The following HECW2 variants were observed in gnomAD, a reference collection of about 807,000 sequenced individuals.
The protein encoded by HECW2 is E3 ubiquitin-protein ligase HECW2.
In HECW2, 61 loss-of-function variants were observed where a neutral mutation model predicts 175.2. That is an observed-to-expected ratio of 0.35 (90% CI 0.28 to 0.43). The LOEUF (loss-of-function observed/expected upper bound fraction) is 0.43, where lower values mean the gene tolerates loss of function less well. Ranked by LOEUF, HECW2 falls within the 20% of genes least tolerant of loss-of-function variation. The pLI is 1.00. For missense variants in HECW2, 1,524 were observed against 2,000.5 expected, an observed-to-expected ratio of 0.76 and a Z score of 4.54; for synonymous variants, 671 against 731.0, an observed-to-expected ratio of 0.92 and a Z score of 1.32.
At chr2:196,435,406 G>A (rs1248574376) in intron 1 of HECW2, among the ~76,000 whole-genome samples, 1 of 152,156 alleles carries the variant, frequency 6.6e-6, no homozygotes, top group Non-Finnish European at 1.5e-5. Context: ...GAGTCATGCA[G>A]CACATCAGCT....
chr2:196,312,195 T>C (rs1221711770), intron 10 of HECW2, among the ~76,000 whole-genome samples: 2 of 149,840 alleles, frequency 1.3e-5, no homozygotes, highest in African/African-American at 5.0e-5. Flanking sequence ...TGGATGCTGA[T>C]ATTGAGAAGT....
chr2:196,221,669 C>T (rs1348379780), intron 24 of HECW2, among the ~76,000 whole-genome samples: 1 of 152,142 alleles, frequency 6.6e-6, no homozygotes, highest in Non-Finnish European at 1.5e-5. Flanking sequence ...AGGTGACCCT[C>T]CCACCTTGGC....
chr2:196,281,208 C>T (rs1019674975), intron 14 of HECW2, among the ~76,000 whole-genome samples: 1 of 151,116 alleles, frequency 6.6e-6, no homozygotes, highest in African/African-American at 2.4e-5. Flanking sequence ...GTATCTTAGT[C>T]ACTCTGTTAT....
chr2:196,535,068 A>G (rs1688974691), intron 1 of HECW2, among the ~76,000 whole-genome samples: 1 of 152,098 alleles, frequency 6.6e-6, no homozygotes, highest in Non-Finnish European at 1.5e-5. Context: ...AAAAAACAAA[A>G]AACCCACTCT....
At chr2:196,534,075 T>G (rs80147528) in intron 1 of HECW2, among the ~76,000 whole-genome samples, 1,860 of 152,306 alleles carry the variant, frequency 0.012, 44 homozygotes, top group African/African-American at 0.043. Flanking sequence ...CTTTCACTGA[T>G]AATATGTATC....
intron 1 of HECW2, among the ~76,000 whole-genome samples, chr2:196,439,325 T>C (rs1194397820): frequency 6.6e-6 from 1 of 152,134 alleles, no homozygotes; most frequent in Non-Finnish European, 1.5e-5. Flanking sequence ...AGAAAGCAAA[T>C]GCTGAAGACC....
At chr2:196,314,727 C>T (rs542529576) in intron 10 of HECW2, among the ~76,000 whole-genome samples, 10 of 152,104 alleles carry the variant, frequency 6.6e-5, no homozygotes, top group South Asian at 4.2e-4. Context: ...TGTAAATCAC[C>T]GCAAAAATGA....
chr2:196,514,597 A>C (rs1407240403), intron 1 of HECW2, among the ~76,000 whole-genome samples: 1 of 152,152 alleles, frequency 6.6e-6, no homozygotes, highest in Non-Finnish European at 1.5e-5. Flanking sequence ...CTACCCATGG[A>C]CCAATCGGCA....
At chr2:196,445,651 G>A (rs1696160978) in intron 1 of HECW2, among the ~76,000 whole-genome samples, 8 of 152,186 alleles carry the variant, frequency 5.3e-5, no homozygotes, top group Admixed American at 5.2e-4. Context: ...TAATGTATAA[G>A]TGCAAAAGGC....
At chr2:196,560,558 C>A (rs1018649542) in intron 1 of HECW2, among the ~76,000 whole-genome samples, 3 of 152,128 alleles carry the variant, frequency 2.0e-5, no homozygotes, top group Non-Finnish European at 4.4e-5. Flanking sequence ...TTTGGATAAT[C>A]TAAAAGATAT....
intron 23 of HECW2, among the ~76,000 whole-genome samples, chr2:196,225,406 G>A (rs1207948881): frequency 6.6e-6 from 1 of 152,174 alleles, no homozygotes; most frequent in Admixed American, 6.5e-5. Context: ...GGAGAGGGGG[G>A]CTGTGAGTCA....
chr2:196,254,243 T>G (rs1688966211), intron 18 of HECW2, among the ~76,000 whole-genome samples: 1 of 152,202 alleles, frequency 6.6e-6, no homozygotes. Flanking sequence ...CCTACCAACT[T>G]TGGACAACGT....
intron 1 of HECW2, among the ~76,000 whole-genome samples, chr2:196,541,474 G>A (rs1689210500): frequency 6.6e-6 from 1 of 152,080 alleles, no homozygotes; most frequent in Non-Finnish European, 1.5e-5. Flanking sequence ...AATTCTAGAA[G>A]AAATCTTATC....
chr2:196,529,069 T>C (rs1405382838), intron 1 of HECW2, among the ~76,000 whole-genome samples: 4 of 152,216 alleles, frequency 2.6e-5, no homozygotes, highest in Non-Finnish European at 5.9e-5. Context: ...TATAACCACA[T>C]GCAGAAGCCA....
chr2:196,422,052 T>A (rs904448053), intron 2 of HECW2, among the ~76,000 whole-genome samples: 2 of 152,144 alleles, frequency 1.3e-5, no homozygotes, highest in Non-Finnish European at 2.9e-5. Flanking sequence ...CTATTTTTCA[T>A]CTATAATGGT....
chr2:196,250,217 A>AG (rs1437889067), intron 19 of HECW2, among the ~76,000 whole-genome samples: 1 of 152,236 alleles, frequency 6.6e-6, no homozygotes, highest in Non-Finnish European at 1.5e-5. Context: ...ACACAGGTAA[A>AG]GGGATGGTCC....
intron 1 of HECW2, among the ~76,000 whole-genome samples, chr2:196,515,133 A>G (rs1052234095): frequency 1.3e-5 from 2 of 152,256 alleles, no homozygotes; most frequent in Non-Finnish European, 2.9e-5. Flanking sequence ...CATGTGCAGT[A>G]CATCTGGCCC....
intron 1 of HECW2, among the ~76,000 whole-genome samples, chr2:196,558,938 T>C (rs1177122997): frequency 1.3e-5 from 2 of 152,220 alleles, no homozygotes; most frequent in African/African-American, 4.8e-5. Flanking sequence ...GAACTTACCA[T>C]TCAATGGGCA....
intron 10 of HECW2, among the ~76,000 whole-genome samples, chr2:196,312,263 G>A (rs908054526): frequency 5.9e-5 from 9 of 152,054 alleles, no homozygotes; most frequent in African/African-American, 2.2e-4. Context: ...GGTGCTATGG[G>A]TAGGGTTTTG....
Sources: gnomAD v4.1 joint callset for allele counts (sites outside exome capture counted in the v4.1 genomes callset) on GRCh38, gnomAD v4.1.1 for gene constraint, MANE v1.5 for transcripts, NCBI Gene and HGNC (gene_info 2026-07-23, HGNC 2026-07-21) for gene names.